Variants in NLGN1 observed in about 807,000 individuals in gnomAD.
The protein encoded by NLGN1 is neuroligin-1.
In NLGN1, 12 loss-of-function variants were observed where a neutral mutation model predicts 65.5. The observed-to-expected ratio is 0.18, with a 90% confidence interval of 0.12 to 0.30. The LOEUF (loss-of-function observed/expected upper bound fraction) is 0.30, where lower values mean the gene tolerates loss of function less well. Among genes scored for constraint, NLGN1 ranks in the 10% least tolerant of loss-of-function variants. The pLI, the probability that NLGN1 is intolerant of heterozygous loss-of-function variation, is 1.00. For missense variants in NLGN1, 750 were observed against 1,007.1 expected (o/e 0.74, Z 3.46); for synonymous variants, 350 against 359.5 (o/e 0.97, Z 0.30).
chr3:174,213,064 T>A (rs1283572413), intron 4 of NLGN1, among the ~76,000 whole-genome samples: 1 of 152,226 alleles, frequency 6.6e-6, no homozygotes, highest in Non-Finnish European at 1.5e-5. Context: ...ATAAGCAACT[T>A]TAACTCTCCT....
intron 3 of NLGN1, among the ~76,000 whole-genome samples, chr3:173,709,523 C>T (rs778276032): frequency 2.0e-5 from 3 of 151,962 alleles, no homozygotes; most frequent in Non-Finnish European, 2.9e-5. Context: ...AAGAACCAGC[C>T]GGGCACAGTG....
intron 2 of NLGN1, among the ~76,000 whole-genome samples, chr3:173,450,933 C>A (rs2148844892): frequency 6.6e-6 from 1 of 152,178 alleles, no homozygotes; most frequent in East Asian, 1.9e-4. Context: ...AAAGACTTCT[C>A]TGCATTGGTT....
downstream of NLGN1, among the ~76,000 whole-genome samples, chr3:174,290,880 A>C (rs570646770): frequency 6.6e-6 from 1 of 151,220 alleles, no homozygotes; most frequent in African/African-American, 2.4e-5. Context: ...ACAGGTAAGA[A>C]GTTCTGACAA....
intron 4 of NLGN1, among the ~76,000 whole-genome samples, chr3:174,150,120 T>G (rs1184164820): frequency 1.3e-5 from 2 of 152,170 alleles, no homozygotes; most frequent in Non-Finnish European, 2.9e-5. Context: ...GAAGTTGCCA[T>G]TGCACAGCTA....
chr3:173,822,553 GT>G (rs1720526493), intron 4 of NLGN1, among the ~76,000 whole-genome samples: 1 of 152,064 alleles, frequency 6.6e-6, no homozygotes, highest in Non-Finnish European at 1.5e-5. Context: ...TACAAATTTT[GT>G]CTTTAGAATT....
intron 4 of NLGN1, among the ~76,000 whole-genome samples, chr3:173,868,592 T>C (rs1730619994): frequency 1.3e-5 from 2 of 152,116 alleles, no homozygotes; most frequent in Non-Finnish European, 2.9e-5. Flanking sequence ...ATAGTTCCAC[T>C]TATAGTGAAA....
At chr3:173,718,775 T>C (rs1413684648) in intron 3 of NLGN1, among the ~76,000 whole-genome samples, 1 of 152,190 alleles carries the variant, frequency 6.6e-6, no homozygotes, top group Admixed American at 6.5e-5. Flanking sequence ...AAATAAGTGG[T>C]AACATGTAAT....
chr3:173,450,061 CT>C (rs1721188051), intron 2 of NLGN1, among the ~76,000 whole-genome samples: 1 of 152,136 alleles, frequency 6.6e-6, no homozygotes, highest in South Asian at 2.1e-4. Flanking sequence ...AGGCCATTTA[CT>C]TTTAAGGTTA....
chr3:174,099,504 A>G (rs1711901487), intron 4 of NLGN1, among the ~76,000 whole-genome samples: 1 of 152,204 alleles, frequency 6.6e-6, no homozygotes, highest in Non-Finnish European at 1.5e-5. Context: ...GTTGAAATTT[A>G]TAGCAATGCG....
At chr3:173,837,575 C>T (rs1723888711) in intron 4 of NLGN1, among the ~76,000 whole-genome samples, 1 of 152,170 alleles carries the variant, frequency 6.6e-6, no homozygotes, top group Non-Finnish European at 1.5e-5. Context: ...AAAGTAGACT[C>T]TCTGGTTTCT....
chr3:174,039,561 A>G (rs1261397149), intron 4 of NLGN1, among the ~76,000 whole-genome samples: 1 of 152,136 alleles, frequency 6.6e-6, no homozygotes, highest in Non-Finnish European at 1.5e-5. Context: ...TTGGCTCTCC[A>G]TGATTTTTCT....
intron 4 of NLGN1, among the ~76,000 whole-genome samples, chr3:174,056,598 A>G (rs1736145827): frequency 6.6e-6 from 1 of 151,990 alleles, no homozygotes; most frequent in African/African-American, 2.4e-5. Context: ...GTTCTCTAAT[A>G]CCAGGATACA....
chr3:173,477,739 C>T (rs1560309403), intron 2 of NLGN1, among the ~76,000 whole-genome samples: 1 of 151,956 alleles, frequency 6.6e-6, no homozygotes, highest in African/African-American at 2.4e-5. Flanking sequence ...TGATGTTGAG[C>T]TTTTTTTCAT....
chr3:173,532,217 A>G (rs1305784337), intron 2 of NLGN1, among the ~76,000 whole-genome samples: 2 of 152,096 alleles, frequency 1.3e-5, no homozygotes, highest in Non-Finnish European at 2.9e-5. Context: ...TGCTATATAC[A>G]TCTTTCAGTT....
At chr3:174,175,441 A>C (rs897920937) in intron 4 of NLGN1, among the ~76,000 whole-genome samples, 1 of 151,772 alleles carries the variant, frequency 6.6e-6, no homozygotes, top group Non-Finnish European at 1.5e-5. Context: ...TCCTGAAGTA[A>C]ATATAGCTAC....
In NLGN1 at chr3:174,020,257, G is replaced by A. The variant is rs537295787; in HGVS notation, c.646+212425G>A. On this transcript the variant is annotated intron_variant, in intron 4 of 6. Coordinates refer to ENST00000457714, the Ensembl canonical transcript of NLGN1. ...ATTCCTTCTGTAATAAATGTTTGAGGAAGCGAAATGAATATGACATAATTC... is the reference window on the plus strand; with the variant it reads ...ATTCCTTCTGTAATAAATGTTTGAGAAAGCGAAATGAATATGACATAATTC... Among the ~76,000 whole-genome samples the A allele has an allele frequency of 2.1e-4, 32 of 152,154 alleles. No homozygotes were observed. The South Asian group carries it at 6.4e-3, about 31-fold the overall frequency.
intron 2 of NLGN1, among the ~76,000 whole-genome samples, chr3:173,443,628 C>A (rs1416682504): frequency 4.6e-5 from 7 of 152,038 alleles, no homozygotes; most frequent in African/African-American, 1.7e-4. Flanking sequence ...CAATTTTCAA[C>A]AATGTTTACT....
chr3:173,733,967 TTTGACATA>T (rs1773294455), intron 3 of NLGN1, among the ~76,000 whole-genome samples: 1 of 152,096 alleles, frequency 6.6e-6, no homozygotes, highest in Non-Finnish European at 1.5e-5. Flanking sequence ...TTTTATGTCA[TTTGACATA>T]TCAAATGACA....
At chr3:173,955,291 A>G (rs1270294085) in intron 4 of NLGN1, among the ~76,000 whole-genome samples, 5 of 152,200 alleles carry the variant, frequency 3.3e-5, no homozygotes, top group Non-Finnish European at 2.9e-5. Flanking sequence ...GATGCCGCTC[A>G]TAGAGCATTA....
Sources: gnomAD v4.1 joint callset for allele counts (sites outside exome capture counted in the v4.1 genomes callset) on GRCh38, gnomAD v4.1.1 for gene constraint, MANE v1.5 for transcripts, NCBI Gene and HGNC (gene_info 2026-07-23, HGNC 2026-07-21) for gene names.